OSBP: variants seen among roughly 807,000 people sequenced by gnomAD.
The protein encoded by OSBP is oxysterol-binding protein 1.
A neutral mutation model predicts 96.6 loss-of-function variants in OSBP; 32 were observed. The observed-to-expected ratio is 0.33, with a 90% CI of 0.25 to 0.45. OSBP has a LOEUF of 0.45. Among genes scored for constraint, OSBP ranks in the 20% least tolerant of loss-of-function variants. The pLI is 1.00. For missense variants in OSBP, 653 were observed against 1,029.7 expected, an observed-to-expected ratio of 0.63 and a Z score of 5.01; for synonymous variants, 369 against 389.6, an observed-to-expected ratio of 0.95 and a Z score of 0.62.
rs576547764 is a variant in OSBP, at chr11:59,583,735, C to G, written c.1679-2181G>C. Among the ~76,000 whole-genome samples, 526 of 150,260 alleles carry G rather than the reference C, an allele frequency of 3.5e-3. 2 individuals are homozygous for G. Among genetic ancestry groups the G allele is most frequent in the Non-Finnish European group, 6.2e-3 (422 of 67,660 alleles). On this transcript the variant is annotated intron_variant, in intron 9 of 13. Transcript: ENST00000263847. ...CTCGGCTCACTGCAGCCTCTGCCTC[C>G]CGGGTTCAAACAATCCTGCCTCAGC...
In OSBP at chr11:59,596,163, G is replaced by A. The variant is rs1860652762; in HGVS notation, c.1312-1908C>T. On this transcript the variant is annotated intron_variant, in intron 7 of 13. Coordinates refer to ENST00000263847, the MANE Select transcript of OSBP (RefSeq NM_002556.3). ...ACCCCAGAGCCCTCTTCCCTACACT[G>A]AAAGACAAGCAGTATGATGACACAA... is the stretch of plus-strand genomic sequence containing the variant. Among the ~76,000 whole-genome samples the A allele has an allele frequency of 1.3e-5, 2 of 151,878 alleles. 1 individual carries two copies. The highest frequency in any genetic ancestry group is 4.2e-4 in the South Asian group (2 of 4,816).
rs760412485 is a variant in OSBP at position 59,580,173 on chromosome 11, C to A, written c.1878+1G>T. The A allele has an allele frequency of 6.3e-7, 1 of 1,588,990 alleles. No homozygotes were observed. The highest frequency in any genetic ancestry group is 8.6e-7 in the Non-Finnish European group (1 of 1,157,160). ...ACAATTTAAATTTCAACTTCCCTTA[C>A]CTTTCTTGCTACATCCCGAGAGAAG... On this transcript the variant is annotated splice_donor_variant, in intron 11 of 13. Coordinates refer to ENST00000263847, the MANE Select transcript of OSBP (RefSeq NM_002556.3). LOFTEE classifies it high-confidence loss of function.
chr11:59,589,913 G>C (rs1326988716), intron 9 of OSBP, among the ~76,000 whole-genome samples: 1 of 152,048 alleles, frequency 6.6e-6, no homozygotes, highest in Non-Finnish European at 1.5e-5. Context: ...AACCCAGGAG[G>C]AGGAGGTTGC....
chr11:59,591,547 T>A (rs564912689), intron 9 of OSBP, among the ~76,000 whole-genome samples: 1 of 152,060 alleles, frequency 6.6e-6, no homozygotes, highest in Non-Finnish European at 1.5e-5. Context: ...ATAAATGCTA[T>A]ATAAATAGGT....
intron 11 of OSBP, among the ~76,000 whole-genome samples, chr11:59,579,861 G>T (rs569143709): frequency 1.3e-5 from 2 of 151,580 alleles, no homozygotes. Context: ...ACAGGCACGC[G>T]CCACCACACC....
chr11:59,578,729 G>A (rs568314869), intron 11 of OSBP, among the ~76,000 whole-genome samples: 24 of 152,174 alleles, frequency 1.6e-4, no homozygotes, highest in Non-Finnish European at 2.9e-4. Flanking sequence ...TAGGATTATA[G>A]GCATGAGCCA....
Position 59,580,379 on chromosome 11 carries a change from T to C in OSBP, c.1783-110A>G, listed in dbSNP as rs1860406713. 9.2e-5 allele frequency: 67 copies of C among 731,614 alleles called. No individual in the cohort carries two copies. The South Asian group carries it at 1.0e-3, about 11-fold the overall frequency. The allele number at this position is 731,614 out of a possible 1,614,324, so 45.3% of individuals were successfully genotyped here. On this transcript the variant is annotated intron_variant, in intron 10 of 13. Transcript: ENST00000263847. ...AATCTTACATTCTAGTAATCCCTTGTTTAAGATTCAGATCTTAGCTAGCCT... is the reference window on the plus strand; with the variant it reads ...AATCTTACATTCTAGTAATCCCTTGCTTAAGATTCAGATCTTAGCTAGCCT...
intron 2 of OSBP, among the ~76,000 whole-genome samples, chr11:59,608,991 A>G (rs1282693798): frequency 6.6e-6 from 1 of 152,210 alleles, no homozygotes; most frequent in African/African-American, 2.4e-5. Context: ...GTGTGAGGCA[A>G]AGCCCAGGAA....
intron 10 of OSBP, 117 bp from the exon 11 acceptor site, chr11:59,580,386 T>A (rs909991489): frequency 1.4e-6 from 1 of 710,422 alleles, no homozygotes; most frequent in Middle Eastern, 3.7e-4. Flanking sequence ...TTGTTTAAGA[T>A]TCAGATCTTA....
intron 10 of OSBP, 35 bp from the exon 11 acceptor site, chr11:59,580,304 G>A (rs756481306): frequency 1.5e-6 from 2 of 1,329,634 alleles, no homozygotes; most frequent in Non-Finnish European, 2.2e-6. Context: ...TATTAAGACT[G>A]GATAAATTCA....
rs1403310614 is a variant in OSBP, at chr11:59,576,355, A to G, written c.*222T>C. The G allele has an allele frequency of 1.9e-6, 1 of 536,660 alleles. No individual in the cohort carries two copies. The highest frequency in any genetic ancestry group is 3.3e-6 in the Non-Finnish European group (1 of 304,394). The allele number at this position is 536,660 out of a possible 1,614,324, so 33.2% of individuals were successfully genotyped here. A position where few individuals can be genotyped will look rare whatever the true frequency, so the allele number is the denominator to read the frequency against. On this transcript the variant is annotated 3_prime_UTR_variant, in exon 14 of 14. Transcript: ENST00000263847. Reference sequence around the variant, plus strand: ...TTCGGCCACTAAACCTCTCCCTTACAGACATAGTATCTCCTATGTCGATTT... The same window carrying G: ...TTCGGCCACTAAACCTCTCCCTTACGGACATAGTATCTCCTATGTCGATTT...
chr11:59,580,237 T>G lies in OSBP; in HGVS notation c.1815A>C (p.Thr605=). 3 of 1,613,142 alleles carry G rather than the reference T, an allele frequency of 1.9e-6. No homozygotes were observed. The highest frequency in any genetic ancestry group is 2.5e-6 in the Non-Finnish European group (3 of 1,179,194). Residue 605 remains threonine (T), a synonymous_variant, in exon 11 of 14, where the codon ACA becomes ACC. Transcript: ENST00000263847. ...CAAATTTAAGATTACACTTGTCTCC[T>G]GTCTTGTGATTCACAATATCAATTT... ...SGEIDIVNHK[T]GDKCNLKFVP...
intron 9 of OSBP, among the ~76,000 whole-genome samples, chr11:59,590,780 A>C (rs1860568547): frequency 6.6e-6 from 1 of 152,226 alleles, no homozygotes; most frequent in Admixed American, 6.5e-5. Flanking sequence ...CTCTCTGAGA[A>C]TTGAGTGCCA....
At chr11:59,591,479 T>A (rs1860579205) in intron 9 of OSBP, among the ~76,000 whole-genome samples, 2 of 152,124 alleles carry the variant, frequency 1.3e-5, no homozygotes, top group African/African-American at 4.8e-5. Context: ...AACCTACACA[T>A]TCCTCTCCCT....
At chr11:59,588,884 A>T (rs1860537165) in intron 9 of OSBP, among the ~76,000 whole-genome samples, 1 of 152,032 alleles carries the variant, frequency 6.6e-6, no homozygotes, top group African/African-American at 2.4e-5. Flanking sequence ...GCACGCCTGT[A>T]GTCCCAGCTA....
In OSBP at chr11:59,600,834, G is replaced by A; in HGVS notation, c.1164C>T (p.Ile388=). 1 of 1,613,566 alleles carries A rather than the reference G, an allele frequency of 6.2e-7. No individual in the cohort carries two copies. The highest frequency in any genetic ancestry group is 8.5e-7 in the Non-Finnish European group (1 of 1,179,666). Residue 388 remains isoleucine, a synonymous_variant, in exon 6 of 14, where the codon ATC becomes ATT. Coordinates refer to ENST00000263847, the MANE Select transcript of OSBP (RefSeq NM_002556.3). ...TAAGAATTACCTGTTCATCAAGGCT[G>A]ATGTCACTGCTGGCTCCACTGATAT... ...GSNISGASSD[I]SLDEQYKHQL...
rs189313684 is a variant in OSBP, at chr11:59,589,898, G to A, written c.1678+3706C>T. 2.0e-4 allele frequency among the ~76,000 whole-genome samples: 31 copies of A among 151,998 alleles called. No homozygotes were observed. In the East Asian group the frequency reaches 6.0e-3, roughly 29 times the overall value. On this transcript the variant is annotated intron_variant, in intron 9 of 13. Transcript: ENST00000263847. ...CTCCGGAAGCTGAAGCAGGAGAATC[G>A]CTTGAACCCAGGAGGAGGAGGTTGC... is the stretch of plus-strand genomic sequence containing the variant.
At chr11:59,588,263 G>A (rs1480138204) in intron 9 of OSBP, among the ~76,000 whole-genome samples, 3 of 152,168 alleles carry the variant, frequency 2.0e-5, no homozygotes, top group Non-Finnish European at 4.4e-5. Flanking sequence ...GCTGGGTGTG[G>A]TGGCTCATGC....
intron 9 of OSBP, among the ~76,000 whole-genome samples, chr11:59,586,178 G>GAAAAAAAAAAA (rs34764421): frequency 1.0e-3 from 62 of 60,120 alleles, no homozygotes; most frequent in Non-Finnish European, 1.3e-3. Flanking sequence ...AATAAATAAA[G>GAAAAAAAAAAA]AAAAAAAAAA....
Sources: gnomAD v4.1 joint callset for allele counts (sites outside exome capture counted in the v4.1 genomes callset) on GRCh38, gnomAD v4.1.1 for gene constraint, MANE v1.5 for transcripts, NCBI Gene and HGNC (gene_info 2026-07-23, HGNC 2026-07-21) for gene names.